GAN: variants seen among roughly 807,000 people sequenced by gnomAD.
GAN encodes the protein epididymis secretory sperm binding protein.
A neutral mutation model predicts 71.3 loss-of-function variants in GAN; 48 were observed. That is an observed-to-expected ratio of 0.67 (90% CI 0.53 to 0.86). The LOEUF (loss-of-function observed/expected upper bound fraction) is 0.86, where lower values mean the gene tolerates loss of function less well. GAN is among the 40% of genes least tolerant of loss of function. GAN has a pLI of 0.00. For synonymous variants in GAN, 386 were observed against 276.8 expected (o/e 1.39, Z -3.92); for missense variants, 928 against 770.1 (o/e 1.21, Z -2.43).
chr16:81,363,712 T>C (rs1910754311), intron 6 of GAN, 82 bp from the exon 7 acceptor site: 3 of 1,410,638 alleles, frequency 2.1e-6, no homozygotes, highest in Non-Finnish European at 3.0e-6. Flanking sequence ...TATGTTTCTC[T>C]AATTTTTATT....
chr16:81,325,967 C>T lies in GAN; in HGVS notation c.167+10687C>T, dbSNP rs566155472. ...TTTCTTGACTTCCTACTCTTGCTTGCAGATAATTTCATATTCATCCTTCAA... is the reference window on the plus strand; with the variant it reads ...TTTCTTGACTTCCTACTCTTGCTTGTAGATAATTTCATATTCATCCTTCAA... On this transcript the variant is annotated intron_variant, in intron 1 of 10. Coordinates refer to ENST00000648994, the MANE Select transcript of GAN (RefSeq NM_022041.4). 2.0e-5 allele frequency among the ~76,000 whole-genome samples: 3 copies of T among 152,266 alleles called. No individual in the cohort carries two copies. The South Asian group carries it at 6.2e-4, about 32-fold the overall frequency.
chr16:81,376,465 ATGTG>A (rs56782049), intron 9 of GAN, among the ~76,000 whole-genome samples: 10,588 of 127,022 alleles, frequency 0.083, 410 homozygotes, highest in Non-Finnish European at 0.096. Flanking sequence ...ATACATACAT[ATGTG>A]TGTGTGTGTG....
At chr16:81,363,649 C>T (rs111372838) in intron 6 of GAN, 145 bp from the exon 7 acceptor site, 4 of 783,560 alleles carry the variant, frequency 5.1e-6, no homozygotes, top group Non-Finnish European at 8.9e-6. Context: ...AGCCCTTGCT[C>T]CTCTCCCTGT....
chr16:81,351,531 A>G (rs555781582), intron 1 of GAN, 52 bp from the exon 2 acceptor site: 1 of 796,220 alleles, frequency 1.3e-6, no homozygotes. Context: ...ATAAATATTT[A>G]TAGCTATTTC....
At chr16:81,338,456 C>T (rs969524358) in intron 1 of GAN, among the ~76,000 whole-genome samples, 2 of 152,078 alleles carry the variant, frequency 1.3e-5, no homozygotes, top group African/African-American at 2.4e-5. Flanking sequence ...ATTACTCATT[C>T]AGTACAGTCC....
At chr16:81,341,293 A>ATG (rs886686399) in intron 1 of GAN, among the ~76,000 whole-genome samples, 2 of 152,158 alleles carry the variant, frequency 1.3e-5, no homozygotes, top group African/African-American at 2.4e-5. Context: ...AATACAGAGA[A>ATG]TGCCACAAAG....
At position 81,356,988 on chromosome 16, in the gene GAN, T is replaced by C. The variant is rs914922888; in HGVS notation, c.837T>C (p.Gly279=). Residue 279 remains glycine, a synonymous_variant, in exon 4 of 11, where the codon GGT becomes GGC. Transcript: ENST00000648994. ...ACTCTGAGTGCATCGTGACTGTTGG[T>C]GGAGAAGAGAGAGTGTAAGTATGAG... ...RGYSECIVTV[G]GEERVSRKPT... 1 of 1,604,060 alleles carries C rather than the reference T, an allele frequency of 6.2e-7. No individual in the cohort carries two copies. The highest frequency in any genetic ancestry group is 8.5e-7 in the Non-Finnish European group (1 of 1,171,750).
chr16:81,334,861 C>G (rs1393351855), intron 1 of GAN, among the ~76,000 whole-genome samples: 1 of 152,222 alleles, frequency 6.6e-6, no homozygotes, highest in Non-Finnish European at 1.5e-5. Context: ...TCTAACCTGG[C>G]TGCGTGCTCA....
intron 1 of GAN, among the ~76,000 whole-genome samples, chr16:81,316,009 G>A (rs1475412334): frequency 6.6e-6 from 1 of 152,238 alleles, no homozygotes; most frequent in African/African-American, 2.4e-5. Context: ...CCCGAGGACC[G>A]TGAGAGCCTT....
chr16:81,345,942 C>G (rs1006690857), intron 1 of GAN, among the ~76,000 whole-genome samples: 1 of 152,154 alleles, frequency 6.6e-6, no homozygotes, highest in Non-Finnish European at 1.5e-5. Context: ...CTTCACATGC[C>G]CAGTTCACAA....
At chr16:81,317,852 A>C (rs887424710) in intron 1 of GAN, among the ~76,000 whole-genome samples, 1 of 152,148 alleles carries the variant, frequency 6.6e-6, no homozygotes, top group Admixed American at 6.6e-5. Flanking sequence ...AATCATCTTT[A>C]AAGAGAAGGC....
At position 81,365,051 on chromosome 16, in the gene GAN, A is replaced by G. The variant is rs1267654719; in HGVS notation, c.1314A>G (p.Val438=). 2 of 1,613,592 alleles carry G rather than the reference A, an allele frequency of 1.2e-6. No homozygotes were observed. Among genetic ancestry groups the G allele is most frequent in the Admixed American group, 1.7e-5 (1 of 60,006 alleles). ...GGSYGKLFES[V]ECYDPRTQQW... is the part of the protein sequence containing the mutation. ...CCTACGGAAAGCTTTTTGAGTCTGT[A>G]GAGTGTTATGATCCCAGGACCCAGC... The change falls in exon 8 of 11, where the codon GTA becomes GTG. Residue 438 remains valine, a synonymous_variant. Coordinates refer to ENST00000648994, the MANE Select transcript of GAN (RefSeq NM_022041.4).
At chr16:81,374,883 T>A (rs1167756771) in intron 9 of GAN, among the ~76,000 whole-genome samples, 2 of 152,220 alleles carry the variant, frequency 1.3e-5, no homozygotes. Flanking sequence ...AAGAAAAGCC[T>A]TTAGCAAATG....
intron 9 of GAN, among the ~76,000 whole-genome samples, chr16:81,370,227 C>T (rs1215930749): frequency 6.6e-6 from 1 of 152,134 alleles, no homozygotes; most frequent in African/African-American, 2.4e-5. Flanking sequence ...CTGGTCTACC[C>T]CACTGACCAC....
At chr16:81,330,249 A>T (rs1344657978) in intron 1 of GAN, among the ~76,000 whole-genome samples, 2 of 151,608 alleles carry the variant, frequency 1.3e-5, no homozygotes, top group African/African-American at 2.4e-5. Flanking sequence ...TCTAGAATGT[A>T]ATCGGATAAT....
intron 6 of GAN, among the ~76,000 whole-genome samples, chr16:81,362,886 C>T (rs1229638834): frequency 6.6e-6 from 1 of 152,224 alleles, no homozygotes; most frequent in African/African-American, 2.4e-5. Context: ...CTGCCCCCTC[C>T]TCGCAGCACC....
intron 9 of GAN, among the ~76,000 whole-genome samples, chr16:81,376,679 T>C (rs752735155): frequency 6.7e-6 from 1 of 149,720 alleles, no homozygotes; most frequent in African/African-American, 2.5e-5. Context: ...TATACATATG[T>C]GTATATGTGT....
At chr16:81,363,531 A>G (rs1448338952) in intron 6 of GAN, among the ~76,000 whole-genome samples, 2 of 152,146 alleles carry the variant, frequency 1.3e-5, no homozygotes, top group Non-Finnish European at 2.9e-5. Context: ...AGACTCGGGG[A>G]TACATGTGCA....
intron 1 of GAN, among the ~76,000 whole-genome samples, chr16:81,327,267 A>C (rs981319555): frequency 1.3e-5 from 2 of 152,214 alleles, no homozygotes; most frequent in African/African-American, 4.8e-5. Context: ...TTCAGCTTCA[A>C]GTTGTTTGGA....
Sources: allele counts gnomAD v4.1 joint callset (sites outside exome capture counted in the v4.1 genomes callset), GRCh38; gene constraint gnomAD v4.1.1; transcripts MANE v1.5; gene names NCBI Gene and HGNC (gene_info 2026-07-23, HGNC 2026-07-21).